Variants in SPAG16 observed in about 807,000 individuals in gnomAD.
SPAG16 encodes sperm-associated antigen 16 protein.
Under a neutral mutation model 80.4 loss-of-function variants are expected in SPAG16, and 86 were observed. The ratio of observed to expected loss-of-function variants is 1.07; its 90% CI spans 0.90 to 1.28. SPAG16 has a LOEUF of 1.28. Ranked by LOEUF, SPAG16 falls within the 50% of genes most tolerant of loss-of-function variation. The probability of loss-of-function intolerance (pLI) is 0.00; values close to 1 mark genes in which losing one functional copy is unlikely to be tolerated. For synonymous variants in SPAG16, 294 were observed against 265.9 expected (o/e 1.11, Z -1.03); for missense variants, 870 against 765.3 (o/e 1.14, Z -1.61).
chr2:214,106,812 G>A (rs2053406710), intron 13 of SPAG16, among the ~76,000 whole-genome samples: 3 of 152,090 alleles, frequency 2.0e-5, no homozygotes, highest in African/African-American at 7.2e-5. Flanking sequence ...CTTCTTTCCA[G>A]CCACACTGGC....
rs571767594 is a variant in SPAG16, at chr2:214,292,547, C to A, written c.1721-117593C>A. 5.3e-5 allele frequency among the ~76,000 whole-genome samples: 8 copies of A among 151,882 alleles called. No homozygotes were observed. In the South Asian group the frequency reaches 1.7e-3, roughly 32 times the overall value. On this transcript the variant is annotated intron_variant, in intron 15 of 15. Coordinates refer to ENST00000331683, the MANE Select transcript of SPAG16 (RefSeq NM_024532.5). ...TATTCGGAAAATTTCTCATTCATAT[C>A]CTGACTTGTTTTTCTGATTTCTCTG...
intron 15 of SPAG16, among the ~76,000 whole-genome samples, chr2:214,173,697 A>G (rs1450860903): frequency 6.6e-6 from 1 of 151,950 alleles, no homozygotes; most frequent in Admixed American, 6.6e-5. Context: ...TCAATAGAAA[A>G]AGAGGGAATC....
intron 10 of SPAG16, among the ~76,000 whole-genome samples, chr2:213,704,429 C>G (rs1387281107): frequency 2.0e-5 from 3 of 152,080 alleles, no homozygotes; most frequent in Non-Finnish European, 4.4e-5. Context: ...TGAGTGGGAA[C>G]TGGGGTCTAC....
At chr2:213,426,267 A>G (rs1331554623) in intron 9 of SPAG16, among the ~76,000 whole-genome samples, 1 of 152,068 alleles carries the variant, frequency 6.6e-6, no homozygotes, top group Non-Finnish European at 1.5e-5. Context: ...TGTTAACCAT[A>G]GAAACTTTTT....
intron 9 of SPAG16, among the ~76,000 whole-genome samples, chr2:213,377,901 ATATT>A (rs1263191425): frequency 0.052 from 1,278 of 24,744 alleles, 7 homozygotes; most frequent in Non-Finnish European, 0.13. Context: ...ATATATATAT[ATATT>A]TTTTTTTTTT....
At chr2:213,306,103 A>G (rs1423148583) in intron 3 of SPAG16, among the ~76,000 whole-genome samples, 1 of 151,918 alleles carries the variant, frequency 6.6e-6, no homozygotes, top group African/African-American at 2.4e-5. Context: ...CATTTCTTCT[A>G]GGCTTTCCAA....
intron 15 of SPAG16, among the ~76,000 whole-genome samples, chr2:214,272,679 T>C (rs1692121963): frequency 6.6e-6 from 1 of 152,234 alleles, no homozygotes; most frequent in African/African-American, 2.4e-5. Flanking sequence ...ATTTTCTTAA[T>C]CCAGTGTATC....
chr2:213,667,579 T>C (rs1400617961), intron 10 of SPAG16, among the ~76,000 whole-genome samples: 2 of 152,208 alleles, frequency 1.3e-5, no homozygotes, highest in Admixed American at 1.3e-4. Flanking sequence ...GTGATACTTC[T>C]ACAAAGTCAA....
intron 3 of SPAG16, among the ~76,000 whole-genome samples, chr2:213,302,078 C>T (rs2062761677): frequency 6.6e-6 from 1 of 152,100 alleles, no homozygotes; most frequent in Non-Finnish European, 1.5e-5. Flanking sequence ...TAGAAAATGT[C>T]AACTTTAGAA....
At chr2:214,239,257 T>G (rs940359463) in intron 15 of SPAG16, 1 of 152,140 alleles carries the variant, frequency 6.6e-6, no homozygotes, top group South Asian at 2.1e-4. Flanking sequence ...TGGTCACAAA[T>G]TCCTGTCCTC....
intron 10 of SPAG16, among the ~76,000 whole-genome samples, chr2:213,535,447 A>G (rs950330304): frequency 2.6e-5 from 4 of 152,174 alleles, no homozygotes; most frequent in African/African-American, 9.6e-5. Context: ...TGAGTTGAAT[A>G]ATGTCACTTA....
intron 15 of SPAG16, among the ~76,000 whole-genome samples, chr2:214,162,757 A>G (rs924524747): frequency 6.6e-6 from 1 of 151,934 alleles, no homozygotes; most frequent in African/African-American, 2.4e-5. Context: ...ATGAAGCCAC[A>G]CTCTTTGTAC....
chr2:213,287,630 T>A (rs1170024253), intron 1 of SPAG16, among the ~76,000 whole-genome samples: 2 of 152,166 alleles, frequency 1.3e-5, no homozygotes, highest in Non-Finnish European at 2.9e-5. Context: ...GCTTTTTAGA[T>A]GGTAGGTGTA....
chr2:213,612,645 C>T (rs899025415), intron 10 of SPAG16, among the ~76,000 whole-genome samples: 4 of 152,146 alleles, frequency 2.6e-5, no homozygotes, highest in Non-Finnish European at 5.9e-5. Context: ...TCTTCGCGCT[C>T]ACTGCTCCAC....
At chr2:213,679,841 A>T (rs1189370260) in intron 10 of SPAG16, among the ~76,000 whole-genome samples, 1 of 152,178 alleles carries the variant, frequency 6.6e-6, no homozygotes, top group African/African-American at 2.4e-5. Context: ...ACTAGATGAG[A>T]GGGCTATCAC....
intron 11 of SPAG16, among the ~76,000 whole-genome samples, chr2:213,867,978 T>TCAGCCA (rs2075771605): frequency 6.8e-6 from 1 of 147,280 alleles, no homozygotes; most frequent in African/African-American, 2.5e-5. Flanking sequence ...TATAAAACTG[T>TCAGCCA]CAGCCACACA....
intron 13 of SPAG16, among the ~76,000 whole-genome samples, chr2:214,035,901 G>C (rs996171925): frequency 6.6e-6 from 1 of 152,192 alleles, no homozygotes; most frequent in Non-Finnish European, 1.5e-5. Context: ...GCTCCATGGA[G>C]TGCACAGCCC....
At chr2:213,451,184 ATATT>A (rs1392287059) in intron 9 of SPAG16, among the ~76,000 whole-genome samples, 1 of 152,190 alleles carries the variant, frequency 6.6e-6, no homozygotes, top group East Asian at 1.9e-4. Flanking sequence ...ATAGGTTATG[ATATT>A]TATTTCATTT....
chr2:214,291,360 C>T (rs1338460109), intron 15 of SPAG16, among the ~76,000 whole-genome samples: 1 of 110,838 alleles, frequency 9.0e-6, no homozygotes, highest in African/African-American at 3.5e-5. Flanking sequence ...GGCTGGAGTG[C>T]AGTGGCGGGA....
Sources: allele counts gnomAD v4.1 joint callset (sites outside exome capture counted in the v4.1 genomes callset), GRCh38; gene constraint gnomAD v4.1.1; transcripts MANE v1.5; gene names NCBI Gene and HGNC (gene_info 2026-07-23, HGNC 2026-07-21).